LY86: variants seen among roughly 807,000 people sequenced by gnomAD.
LY86 encodes the protein lymphocyte antigen 86.
A neutral mutation model predicts 17.3 loss-of-function variants in LY86; 20 were observed. That is an observed-to-expected ratio of 1.15 (90% CI 0.81 to 1.68). The LOEUF (loss-of-function observed/expected upper bound fraction) is 1.68. Among genes scored for constraint, LY86 ranks in the 40% most tolerant of loss-of-function variants. The pLI is 0.00. For synonymous variants in LY86, 74 were observed against 70.6 expected, an observed-to-expected ratio of 1.05 and a Z score of -0.24; for missense variants, 200 against 191.9, an observed-to-expected ratio of 1.04 and a Z score of -0.25.
At chr6:6,612,231 G>A (rs916401069) in intron 1 of LY86, among the ~76,000 whole-genome samples, 7 of 152,114 alleles carry the variant, frequency 4.6e-5, no homozygotes, top group East Asian at 1.9e-4. Flanking sequence ...TCTTCAAGAG[G>A]GCGTGTCCAG....
chr6:6,602,674 CCCTGGGGAG>C (rs1186161135), intron 1 of LY86, among the ~76,000 whole-genome samples: 1 of 152,054 alleles, frequency 6.6e-6, no homozygotes, highest in African/African-American at 2.4e-5. Context: ...GTCCTGGGGA[CCCTGGGGAG>C]CCCTTGTGAA....
At chr6:6,589,184 A>G (rs1246298520) in intron 1 of LY86, among the ~76,000 whole-genome samples, 2 of 152,254 alleles carry the variant, frequency 1.3e-5, no homozygotes, top group African/African-American at 4.8e-5. Context: ...CTACCAAATC[A>G]TCAAACCTCA....
chr6:6,589,801 TC>T lies in LY86; in HGVS notation c.136+932del, dbSNP rs538437648. Among the ~76,000 whole-genome samples, 130 of 152,102 alleles carry T rather than the reference TC, an allele frequency of 8.5e-4. 1 individual carries two copies. The highest frequency in any genetic ancestry group is 1.7e-3 in the Non-Finnish European group (115 of 68,024). On this transcript the variant is annotated intron_variant, in intron 1 of 4. Transcript: ENST00000230568. ...CAGATTAGGGCCCACCTCCATGGCCTCACTTTAGCTTAATCAGCTCTTTAAA... is the reference window on the plus strand; with the variant it reads ...CAGATTAGGGCCCACCTCCATGGCCTACTTTAGCTTAATCAGCTCTTTAAA...
intron 1 of LY86, among the ~76,000 whole-genome samples, chr6:6,612,881 T>C (rs2113120830): frequency 6.6e-6 from 1 of 151,964 alleles, no homozygotes; most frequent in Middle Eastern, 3.4e-3. Context: ...TTCCCTTAGC[T>C]AGACATAAAG....
At chr6:6,599,348 C>T (rs113036000) in intron 1 of LY86, among the ~76,000 whole-genome samples, 12,351 of 152,252 alleles carry the variant, frequency 0.081, 1,386 homozygotes, top group African/African-American at 0.25. Context: ...TCACTCCAAC[C>T]AGCAGAAGAA....
At chr6:6,591,350 C>G (rs959934788) in intron 1 of LY86, 3 of 153,822 alleles carry the variant, frequency 2.0e-5, no homozygotes, top group Non-Finnish European at 2.9e-5. Context: ...ATGCAGTTCT[C>G]ATCCAAGGGA....
intron 3 of LY86, among the ~76,000 whole-genome samples, chr6:6,643,676 G>A (rs548953703): frequency 6.5e-4 from 98 of 151,840 alleles, no homozygotes; most frequent in Non-Finnish European, 1.2e-3. Flanking sequence ...ACACATGCAC[G>A]CACACAAGCA....
intron 1 of LY86, among the ~76,000 whole-genome samples, chr6:6,592,320 G>A (rs2113070559): frequency 6.6e-6 from 1 of 152,314 alleles, no homozygotes; most frequent in South Asian, 2.1e-4. Context: ...AAAAGGAGGA[G>A]CAAACACAGT....
chr6:6,629,510 G>A (rs1321998856), intron 3 of LY86, among the ~76,000 whole-genome samples: 1 of 152,230 alleles, frequency 6.6e-6, no homozygotes, highest in Non-Finnish European at 1.5e-5. Flanking sequence ...GGGGCTTGCA[G>A]GTCCTTCTTA....
chr6:6,605,782 T>G (rs960842158), intron 1 of LY86, among the ~76,000 whole-genome samples: 2 of 152,190 alleles, frequency 1.3e-5, no homozygotes, highest in African/African-American at 2.4e-5. Flanking sequence ...CTGGGATGTG[T>G]TCAGTTTCTT....
intron 4 of LY86, among the ~76,000 whole-genome samples, chr6:6,651,984 AG>A (rs1762192870): frequency 7.7e-6 from 1 of 129,474 alleles, no homozygotes; most frequent in East Asian, 2.6e-4. Flanking sequence ...TGACCCCAGG[AG>A]GCGGAGGTTG....
At chr6:6,617,010 G>A (rs1030854063) in intron 1 of LY86, among the ~76,000 whole-genome samples, 3 of 152,218 alleles carry the variant, frequency 2.0e-5, no homozygotes, top group African/African-American at 7.2e-5. Context: ...CATTGGCAGC[G>A]GAGAAGCATG....
chr6:6,627,478 C>T (rs951864647), intron 3 of LY86, among the ~76,000 whole-genome samples: 4 of 152,196 alleles, frequency 2.6e-5, no homozygotes, highest in Admixed American at 2.0e-4. Flanking sequence ...TCACCACCCT[C>T]GCCATCCCTC....
At chr6:6,598,670 T>A (rs796658506) in intron 1 of LY86, among the ~76,000 whole-genome samples, 4 of 152,360 alleles carry the variant, frequency 2.6e-5, no homozygotes, top group African/African-American at 9.6e-5. Flanking sequence ...TAAGTTGTGC[T>A]AAGTCAGTGT....
chr6:6,608,080 T>C (rs374454017), intron 1 of LY86, among the ~76,000 whole-genome samples: 105 of 152,308 alleles, frequency 6.9e-4, no homozygotes, highest in Middle Eastern at 3.4e-3. Context: ...GGTGAAACAT[T>C]GGAAACGTTC....
At chr6:6,618,522 T>A (rs1469050366) in intron 1 of LY86, among the ~76,000 whole-genome samples, 2 of 152,184 alleles carry the variant, frequency 1.3e-5, no homozygotes, top group African/African-American at 2.4e-5. Flanking sequence ...AAAAACATAT[T>A]CACCAAGGTT....
At chr6:6,600,158 G>A (rs1396216997) in intron 1 of LY86, among the ~76,000 whole-genome samples, 2 of 152,154 alleles carry the variant, frequency 1.3e-5, no homozygotes, top group African/African-American at 4.8e-5. Flanking sequence ...ACTTTACATA[G>A]AAATGGCATT....
Position 6,613,340 on chromosome 6 carries a change from C to T in LY86, c.137-11586C>T, listed in dbSNP as rs535732466. ...TATGGAGCAGGGTGGCGCTGCTCGT[C>T]GGGGAGGCTTGGCCTGCTCATAAGC... On this transcript the variant is annotated intron_variant, in intron 1 of 4. Coordinates refer to ENST00000230568, the MANE Select transcript of LY86 (RefSeq NM_004271.4). Among the ~76,000 whole-genome samples, 7 of 152,330 alleles carry T rather than the reference C, an allele frequency of 4.6e-5. No individual in the cohort carries two copies. The South Asian group carries it at 8.3e-4, about 18-fold the overall frequency.
intron 3 of LY86, among the ~76,000 whole-genome samples, chr6:6,627,069 C>A (rs1310292285): frequency 6.6e-6 from 1 of 152,106 alleles, no homozygotes; most frequent in Non-Finnish European, 1.5e-5. Context: ...TTCACCAAGG[C>A]CCTGAGATGC....
Sources: allele counts gnomAD v4.1 joint callset (sites outside exome capture counted in the v4.1 genomes callset), GRCh38; gene constraint gnomAD v4.1.1; transcripts MANE v1.5; gene names NCBI Gene and HGNC (gene_info 2026-07-23, HGNC 2026-07-21).